Variants in PPARGC1A observed in about 807,000 individuals in gnomAD.
The protein encoded by PPARGC1A is PPARG coactivator 1 alpha.
A neutral mutation model predicts 88.7 loss-of-function variants in PPARGC1A; 25 were observed. The observed-to-expected ratio is 0.28, with a 90% CI of 0.21 to 0.39. PPARGC1A has a LOEUF of 0.39. Among genes scored for constraint, PPARGC1A ranks in the 10% least tolerant of loss-of-function variants. The pLI is 1.00. For synonymous variants in PPARGC1A, 363 were observed against 355.6 expected (o/e 1.02, Z -0.24); for missense variants, 880 against 968.7 (o/e 0.91, Z 1.22).
chr4:24,039,352 T>C, the PPARGC1A span, among the ~76,000 whole-genome samples: 1 of 152,164 alleles, frequency 6.6e-6, no homozygotes, highest in African/African-American at 2.4e-5. Context: ...AGAAATATAA[T>C]GTCTGCATTC....
At chr4:23,947,033 C>T in the PPARGC1A span, among the ~76,000 whole-genome samples, 1 of 152,016 alleles carries the variant, frequency 6.6e-6, no homozygotes, top group Admixed American at 6.6e-5. Context: ...GCTATTGAAG[C>T]ATGTAGTATA....
At chr4:24,077,624 G>GGTATGTGTGTGTGT in the PPARGC1A span, among the ~76,000 whole-genome samples, 5 of 130,902 alleles carry the variant, frequency 3.8e-5, no homozygotes, top group African/African-American at 1.4e-4. Context: ...TGTGTCTAGG[G>GGTATGTGTGTGTGT]GTGTGTGTGT....
chr4:24,374,610 G>T, the PPARGC1A span, among the ~76,000 whole-genome samples: 1 of 151,664 alleles, frequency 6.6e-6, no homozygotes, highest in Non-Finnish European at 1.5e-5. Context: ...TCTAAATGAG[G>T]TATACGAACA....
At chr4:24,096,400 A>G in the PPARGC1A span, among the ~76,000 whole-genome samples, 11 of 152,202 alleles carry the variant, frequency 7.2e-5, no homozygotes, top group Non-Finnish European at 1.3e-4. Flanking sequence ...CTTGGAAGGA[A>G]TCAACTCGGT....
chr4:24,143,511 A>C, the PPARGC1A span, among the ~76,000 whole-genome samples: 1 of 152,196 alleles, frequency 6.6e-6, no homozygotes, highest in Non-Finnish European at 1.5e-5. Context: ...AAGAATAGCA[A>C]GAAGAGCTTC....
chr4:24,365,742 G>C, the PPARGC1A span, among the ~76,000 whole-genome samples: 1 of 151,900 alleles, frequency 6.6e-6, no homozygotes, highest in South Asian at 2.1e-4. Flanking sequence ...TAAACACTGA[G>C]GTCTTTATTA....
the PPARGC1A span, among the ~76,000 whole-genome samples, chr4:24,096,533 A>G: frequency 6.6e-6 from 1 of 151,968 alleles, no homozygotes; most frequent in Non-Finnish European, 1.5e-5. Flanking sequence ...AAAATAAAAT[A>G]AATTTTGAAA....
chr4:24,063,439 T>C, the PPARGC1A span, among the ~76,000 whole-genome samples: 8 of 152,142 alleles, frequency 5.3e-5, no homozygotes, highest in Non-Finnish European at 1.0e-4. Flanking sequence ...CTGGGATCTG[T>C]CCCAGGGCAT....
chr4:23,979,953 T>C, the PPARGC1A span, among the ~76,000 whole-genome samples: 7 of 152,106 alleles, frequency 4.6e-5, no homozygotes, highest in Admixed American at 4.6e-4. Flanking sequence ...CTAATCAGGG[T>C]AGATGGCTCT....
the PPARGC1A span, among the ~76,000 whole-genome samples, chr4:24,129,401 A>G: frequency 6.6e-6 from 1 of 152,232 alleles, no homozygotes; most frequent in Non-Finnish European, 1.5e-5. Flanking sequence ...GTTGTCACCT[A>G]GCAAATGGCT....
At chr4:24,362,365 G>GATGGATGGATGA in the PPARGC1A span, among the ~76,000 whole-genome samples, 4 of 151,958 alleles carry the variant, frequency 2.6e-5, no homozygotes, top group South Asian at 8.3e-4. Flanking sequence ...TGGATGGATG[G>GATGGATGGATGA]ATGGATGGAT....
chr4:23,824,159 C>T (rs1723493186), intron 7 of PPARGC1A, 121 bp downstream of exon 7: 3 of 779,708 alleles, frequency 3.8e-6, no homozygotes, highest in South Asian at 2.0e-5. Context: ...AACTTCTTAT[C>T]CAATTTTGTA....
the PPARGC1A span, among the ~76,000 whole-genome samples, chr4:24,149,797 A>G: frequency 2.0e-5 from 3 of 152,210 alleles, no homozygotes; most frequent in Non-Finnish European, 2.9e-5. Flanking sequence ...TCCTGCATTA[A>G]GCTAGTTATG....
chr4:24,438,315 T>C, the PPARGC1A span, among the ~76,000 whole-genome samples: 1 of 152,120 alleles, frequency 6.6e-6, no homozygotes, highest in African/African-American at 2.4e-5. Flanking sequence ...GAAGGGACCA[T>C]TATCCCATTC....
At chr4:24,216,349 T>C in the PPARGC1A span, among the ~76,000 whole-genome samples, 5 of 151,966 alleles carry the variant, frequency 3.3e-5, no homozygotes, top group African/African-American at 1.2e-4. Flanking sequence ...GGTTTCACCA[T>C]GTTGGCCAGG....
At chr4:24,311,912 T>C in the PPARGC1A span, among the ~76,000 whole-genome samples, 1 of 152,042 alleles carries the variant, frequency 6.6e-6, no homozygotes, top group East Asian at 1.9e-4. Context: ...CCAGATAAAA[T>C]AGGGTTGGGA....
chr4:24,285,464 C>T, the PPARGC1A span, among the ~76,000 whole-genome samples: 4 of 152,096 alleles, frequency 2.6e-5, no homozygotes, highest in African/African-American at 9.7e-5. Context: ...CAAGATTCTG[C>T]CAAACAGAAG....
chr4:24,105,211 T>A, the PPARGC1A span, among the ~76,000 whole-genome samples: 1 of 152,280 alleles, frequency 6.6e-6, no homozygotes, highest in South Asian at 2.1e-4. Context: ...AATTGTGTAA[T>A]TTTCAGACTT....
the PPARGC1A span, among the ~76,000 whole-genome samples, chr4:24,379,132 C>T: frequency 9.2e-5 from 14 of 152,124 alleles, no homozygotes; most frequent in South Asian, 2.1e-4. Context: ...AACTTACATA[C>T]GCATCAATAA....
Sources: gnomAD v4.1 joint callset for allele counts (sites outside exome capture counted in the v4.1 genomes callset) on GRCh38, gnomAD v4.1.1 for gene constraint, MANE v1.5 for transcripts, NCBI Gene and HGNC (gene_info 2026-07-23, HGNC 2026-07-21) for gene names.